Variants in DNAH2 observed in about 807,000 individuals in gnomAD.
The protein encoded by DNAH2 is axonemal beta dynein heavy chain 2.
In DNAH2, 323 loss-of-function variants were observed where a neutral mutation model predicts 523.5. That is an observed-to-expected ratio of 0.62 (90% CI 0.56 to 0.68). DNAH2 has a LOEUF of 0.68. Among genes scored for constraint, DNAH2 ranks in the 30% least tolerant of loss-of-function variants. The pLI is 0.00. For missense variants in DNAH2, 4,907 were observed against 5,701.5 expected, an observed-to-expected ratio of 0.86 and a Z score of 4.49; for synonymous variants, 2,093 against 2,177.4, an observed-to-expected ratio of 0.96 and a Z score of 1.08.
intron 18 of DNAH2, among the ~76,000 whole-genome samples, chr17:7,762,990 T>TA (rs1251737556): frequency 1.3e-5 from 2 of 151,334 alleles, no homozygotes; most frequent in East Asian, 3.9e-4. Context: ...TTTTTTTTTT[T>TA]ATTGAGACAG....
In DNAH2 at chr17:7,786,056, G is replaced by A. The variant is rs928110624; in HGVS notation, c.6130-68G>A. ...TGAACGTATTCTCTCTGGCACCGGG[G>A]AGATTTTGAAAGCCCTTTAAAGGCC... On this transcript the variant is annotated intron_variant, in intron 39 of 85. Transcript: ENST00000572933. The surrounding 1 kb of genome is among the most constrained non-coding windows in gnomAD (Gnocchi z 7.5). The A allele has an allele frequency of 1.2e-5, 18 of 1,532,856 alleles. No individual in the cohort carries two copies. Among genetic ancestry groups the A allele is most frequent in the Non-Finnish European group, 1.5e-5 (17 of 1,113,592 alleles). 95.0% of individuals were successfully genotyped at this position (1,532,856 alleles called of 1,614,324 possible).
Position 7,823,551 on chromosome 17 carries a change from T to C in DNAH2, c.11252T>C (p.Met3751Thr), listed in dbSNP as rs199792949. The change falls in exon 74 of 86, where the codon ATG becomes ACG. Residue 3751 changes from methionine to threonine, a missense_variant. Physicochemically the swap from Met to Thr is moderately conservative, Grantham distance 81. Around this residue, in one of 3 missense-constraint regions of DNAH2, gnomAD observed 1,851 missense variants for 2,139.4 expected, o/e 0.87. Transcript: ENST00000572933. ...LDKLTNFHGL[M>T]NSFEQYPRDW... ...AAACTGACCAACTTCCACGGACTCA[T>C]GAACTCCTTTGAGCAGTACCCTCGT... 32 of 1,614,166 alleles carry C rather than the reference T, an allele frequency of 2.0e-5. No individual in the cohort carries two copies. Among genetic ancestry groups the C allele is most frequent in the Non-Finnish European group, 2.6e-5 (31 of 1,180,016 alleles).
chr17:7,814,480 CCAA>C (rs1238388397), intron 63 of DNAH2, among the ~76,000 whole-genome samples: 1 of 152,126 alleles, frequency 6.6e-6, no homozygotes, highest in Non-Finnish European at 1.5e-5. Flanking sequence ...ATTTAAAGCT[CCAA>C]CGAGATTAGC....
At position 7,807,254 on chromosome 17, in the gene DNAH2, C is replaced by G; in HGVS notation, c.9547C>G (p.Pro3183Ala). ...GAYCAQPDFQ[P>A]DIIGRVSLAA... The stretch of plus-strand genomic sequence containing the variant: ...CTACTGCGCCCAGCCTGACTTCCAG[C>G]CTGATATCATCGGCCGCGTCTCCCT... The change falls in exon 62 of 86, where the codon CCT becomes GCT. Residue 3183 changes from proline (P) to alanine (A), a missense_variant. Physicochemically the swap from Pro to Ala is conservative, Grantham distance 27. Transcript: ENST00000572933. The surrounding 1 kb of genome is among the most constrained non-coding windows in gnomAD (Gnocchi z 5.6). 6.2e-7 allele frequency: 1 copy of G among 1,613,990 alleles called. No individual in the cohort carries two copies. Among genetic ancestry groups the G allele is most frequent in the Non-Finnish European group, 8.5e-7 (1 of 1,180,048 alleles).
rs770867523 is a variant in DNAH2, at chr17:7,804,212, C to G, written c.8973-44C>G. On this transcript the variant is annotated intron_variant, in intron 58 of 85. Transcript: ENST00000572933. ...GGACCTTACAGGACACCGCGCTTTC[C>G]GGAAGCCCCGCCTCTCCACACCCTG... 3 of 1,603,724 alleles carry G rather than the reference C, an allele frequency of 1.9e-6. No individual in the cohort carries two copies. The African/African-American group carries it at 4.0e-5, about 21-fold the overall frequency.
chr17:7,740,460 A>C lies in DNAH2; in HGVS notation c.1417A>C (p.Asn473His). ...CAAGGACCTGGAGGTGATGACCCAGAACCTGATCACCTCAGCCTTCGAGTT... is the reference window on the plus strand; with the variant it reads ...CAAGGACCTGGAGGTGATGACCCAGCACCTGATCACCTCAGCCTTCGAGTT... ...GIKDLEVMTQ[N>H]LITSAFELVR... is the part of the protein sequence containing the mutation. The change falls in exon 10 of 86, where the codon AAC (asparagine) becomes CAC (histidine). Residue 473 changes from asparagine to histidine, a missense_variant. Asn to His is a moderately conservative substitution (Grantham distance 68). This residue lies in a region of DNAH2 where 2,806 missense variants were observed against 3,190.8 expected (regional missense o/e 0.88). Transcript: ENST00000572933. 6.2e-6 allele frequency: 10 copies of C among 1,614,154 alleles called. No individual in the cohort carries two copies. The highest frequency in any genetic ancestry group is 8.5e-6 in the Non-Finnish European group (10 of 1,180,010).
Position 7,786,330 on chromosome 17 carries a change from CA to C in DNAH2, c.6338del (p.Asn2113ThrfsTer8), listed in dbSNP as rs1252890118. Reference protein sequence around the residue: ...SLCRAGDPNFNIVREFPLNPK... With the variant: ...SLCRAGDPNFXIVREFPLNPK... ...TGTGCCGCGCCGGAGACCCTAACTT[CA>C]ACATTGTTAGAGTACGGGGCTGGGA... On this transcript the variant is annotated frameshift_variant, in exon 40 of 86. Transcript: ENST00000572933. LOFTEE classifies it high-confidence loss of function. The surrounding 1 kb of genome is among the most constrained non-coding windows in gnomAD (Gnocchi z 7.5). 10 of 1,612,466 alleles carry C rather than the reference CA, an allele frequency of 6.2e-6. No homozygotes were observed. Among genetic ancestry groups the C allele is most frequent in the Non-Finnish European group, 8.5e-6 (10 of 1,179,990 alleles).
At chr17:7,804,231 C>T (rs373754356) in intron 58 of DNAH2, 25 bp from the exon 59 acceptor site, 1 of 1,612,954 alleles carries the variant, frequency 6.2e-7, no homozygotes, top group South Asian at 1.1e-5. Flanking sequence ...CGCCTCTCCA[C>T]ACCCTGTCCT....
intron 12 of DNAH2, chr17:7,743,516 A>C: frequency 1.6e-6 from 1 of 617,660 alleles, no homozygotes; most frequent in South Asian, 1.9e-5. Flanking sequence ...AAATACAAAG[A>C]TTAGCTGGGC....
chr17:7,778,019 C>G (rs2076502974), intron 33 of DNAH2, 58 bp from the exon 34 acceptor site: 1 of 1,473,574 alleles, frequency 6.8e-7, no homozygotes, highest in African/African-American at 1.4e-5. Flanking sequence ...AGTCATTGTC[C>G]CAGCTCTAAC....
Position 7,794,493 on chromosome 17 carries a change from C to T in DNAH2, c.7674+135C>T, listed in dbSNP as rs915290937. On this transcript the variant is annotated intron_variant, in intron 49 of 85. Coordinates refer to ENST00000572933, the MANE Select transcript of DNAH2 (RefSeq NM_020877.5). ...CTCCACGCAGGACGCTGGGACGATCCGTAAGGGCATGTGCTGGCTCCTGAG... is the reference window on the plus strand; with the variant it reads ...CTCCACGCAGGACGCTGGGACGATCTGTAAGGGCATGTGCTGGCTCCTGAG... 1.9e-5 allele frequency: 13 copies of T among 686,992 alleles called. No individual in the cohort carries two copies. The South Asian group carries it at 2.7e-4, about 14-fold the overall frequency. The allele number at this position is 686,992 out of a possible 1,614,324, so 42.6% of individuals were successfully genotyped here.
chr17:7,818,216 G>C, intron 68 of DNAH2, 96 bp from the exon 69 acceptor site: 1 of 1,595,928 alleles, frequency 6.3e-7, no homozygotes, highest in Non-Finnish European at 8.5e-7. Flanking sequence ...GGGGCCTTAG[G>C]ACAGGCTGAG....
At chr17:7,771,532 C>T (rs7212989) in intron 28 of DNAH2, 64 bp downstream of exon 28, 921,761 of 1,580,080 alleles carry the variant, frequency 0.58, 273,278 homozygotes, top group Admixed American at 0.62. Context: ...GTCATGGTTG[C>T]GTGCTTCATT....
chr17:7,740,491 G>A lies in DNAH2; in HGVS notation c.1448G>A (p.Arg483Gln), dbSNP rs2075278617. 6.2e-7 allele frequency: 1 copy of A among 1,614,068 alleles called. No homozygotes were observed. The highest frequency in any genetic ancestry group is 8.5e-7 in the Non-Finnish European group (1 of 1,180,040). The change falls in exon 10 of 86, where the codon CGG becomes CAG. Residue 483 changes from arginine (R) to glutamine (Q), a missense_variant. Physicochemically the swap from Arg to Gln is conservative, Grantham distance 43 (BLOSUM62 1). Around this residue, in one of 3 missense-constraint regions of DNAH2, gnomAD observed 2,806 missense variants for 3,190.8 expected, o/e 0.88. Coordinates refer to ENST00000572933, the MANE Select transcript of DNAH2 (RefSeq NM_020877.5). Reference sequence around the variant, plus strand: ...ATCACCTCAGCCTTCGAGTTGGTGCGGGACGTGCCGCACGGCGTGCTTCTG... The same window carrying A: ...ATCACCTCAGCCTTCGAGTTGGTGCAGGACGTGCCGCACGGCGTGCTTCTG... ...NLITSAFELV[R>Q]DVPHGVLLLD...
chr17:7,733,475 C>CTTTTTTTTTTTTTTTTT lies in DNAH2; in HGVS notation c.628+164_628+180dup. Among the ~76,000 whole-genome samples the CTTTTTTTTTTTTTTTTT allele has an allele frequency of 8.8e-4, 100 of 113,854 alleles. 2 individuals are homozygous for CTTTTTTTTTTTTTTTTT. Among genetic ancestry groups the CTTTTTTTTTTTTTTTTT allele is most frequent in the African/African-American group, 3.1e-3 (95 of 30,904 alleles). The allele number at this position is 113,854 out of a possible 152,430, so 74.7% of individuals were successfully genotyped here. ...AGGGTACAAGATCCGCCTTCTTCTT[C>CTTTTTTTTTTTTTTTTT]TTTTTTTTTTTTTTTTTTTTGAGAT... On this transcript the variant is annotated intron_variant, in intron 5 of 85. Coordinates refer to ENST00000572933, the MANE Select transcript of DNAH2 (RefSeq NM_020877.5).
intron 8 of DNAH2, chr17:7,738,022 G>A: frequency 1.4e-6 from 1 of 703,300 alleles, no homozygotes; most frequent in South Asian, 1.5e-5. Context: ...GGATCTTTGA[G>A]GGATATGTCT....
In DNAH2 at chr17:7,796,403, T is replaced by C; in HGVS notation, c.7675-61T>C. On this transcript the variant is annotated intron_variant, in intron 49 of 85. Coordinates refer to ENST00000572933, the MANE Select transcript of DNAH2 (RefSeq NM_020877.5). ...TGTGCCCATGAGCCAAGCTCTTTAT[T>C]GGCTTCCCCTCTGGCTAGAAGGCCA... The C allele has an allele frequency of 5.1e-6, 8 of 1,572,686 alleles. No individual in the cohort carries two copies. The South Asian group carries it at 7.0e-5, about 14-fold the overall frequency.
intron 25 of DNAH2, 41 bp downstream of exon 25, chr17:7,770,449 T>C: frequency 6.2e-7 from 1 of 1,612,232 alleles, no homozygotes; most frequent in South Asian, 1.1e-5. Context: ...CTCCTGCGCC[T>C]CCTGGAGCAC....
rs2076404222 is a variant in DNAH2, at chr17:7,774,785, A to C, written c.4528A>C (p.Asn1510His). 6.2e-7 allele frequency: 1 copy of C among 1,614,206 alleles called. No homozygotes were observed. Among genetic ancestry groups the C allele is most frequent in the Non-Finnish European group, 8.5e-7 (1 of 1,180,032 alleles). ...PGLLDTLIEMNTILEDIQKSL... is the reference protein window; with the variant it reads ...PGLLDTLIEMHTILEDIQKSL... ...CCTCCTGGACACATTGATAGAAATGAATACAATCCTGGAAGATATTCAGAA... is the reference window on the plus strand; with the variant it reads ...CCTCCTGGACACATTGATAGAAATGCATACAATCCTGGAAGATATTCAGAA... The change falls in exon 29 of 86, where the codon AAT becomes CAT. Residue 1510 changes from asparagine (N) to histidine (H), a missense_variant. Physicochemically the swap from Asn to His is moderately conservative, Grantham distance 68. Transcript: ENST00000572933.
Sources: allele counts gnomAD v4.1 joint callset (sites outside exome capture counted in the v4.1 genomes callset), GRCh38; gene constraint gnomAD v4.1.1; regional missense constraint gnomAD v4.1.1; non-coding constraint Gnocchi (gnomAD v3.1); transcripts MANE v1.5; gene names NCBI Gene and HGNC (gene_info 2026-07-23, HGNC 2026-07-21).